ANKRD30A: variants seen among roughly 807,000 people sequenced by gnomAD.
The protein encoded by ANKRD30A is ankyrin repeat domain-containing protein 30A.
A neutral mutation model predicts 166.3 loss-of-function variants in ANKRD30A; 170 were observed. The ratio of observed to expected loss-of-function variants is 1.02; its 90% CI spans 0.90 to 1.16. The LOEUF (loss-of-function observed/expected upper bound fraction) is 1.16, where lower values mean the gene tolerates loss of function less well. ANKRD30A is among the 50% of genes most tolerant of loss of function. The pLI is 0.00. For missense variants in ANKRD30A, 1,630 were observed against 1,518.0 expected, an observed-to-expected ratio of 1.07 and a Z score of -1.23; for synonymous variants, 564 against 508.9, an observed-to-expected ratio of 1.11 and a Z score of -1.46.
At chr10:37,203,933 G>T (rs912293627) in intron 31 of ANKRD30A, among the ~76,000 whole-genome samples, 3 of 152,142 alleles carry the variant, frequency 2.0e-5, no homozygotes, top group African/African-American at 7.2e-5. Flanking sequence ...ACTTACAAGG[G>T]ATGTGAAGGA....
intron 1 of ANKRD30A, among the ~76,000 whole-genome samples, chr10:37,128,972 C>A (rs1394269298): frequency 2.0e-5 from 3 of 152,108 alleles, no homozygotes; most frequent in Admixed American, 2.0e-4. Context: ...TACATACATT[C>A]TGTAAATCTA....
intron 31 of ANKRD30A, among the ~76,000 whole-genome samples, chr10:37,214,325 C>T (rs1436153426): frequency 1.3e-5 from 2 of 151,344 alleles, no homozygotes; most frequent in African/African-American, 4.8e-5. Flanking sequence ...AGGCATTACA[C>T]AGGTAGATCT....
Position 37,231,561 on chromosome 10 carries a change from A to G in ANKRD30A, c.*92A>G. 2.9e-6 allele frequency: 3 copies of G among 1,032,152 alleles called. No homozygotes were observed. Among genetic ancestry groups the G allele is most frequent in the Non-Finnish European group, 4.2e-6 (3 of 719,870 alleles). The allele number at this position is 1,032,152 out of a possible 1,614,324, so 63.9% of individuals were successfully genotyped here. A position where few individuals can be genotyped will look rare whatever the true frequency, so the allele number is the denominator to read the frequency against. ...AGGAGGCCAGTCCTAGCATCACCTT[A>G]TGTTGAAAATCTTACCAATAGTCTG... On this transcript the variant is annotated 3_prime_UTR_variant, in exon 35 of 36. Transcript: ENST00000361713.
the ANKRD30A span, among the ~76,000 whole-genome samples, chr10:37,239,433 A>G: frequency 6.6e-6 from 1 of 152,060 alleles, no homozygotes. Flanking sequence ...TTTTCTCATG[A>G]TATTATGTGA....
chr10:37,243,278 GCGCCTGCCACCA>G, the ANKRD30A span, among the ~76,000 whole-genome samples: 4 of 150,720 alleles, frequency 2.7e-5, no homozygotes, highest in African/African-American at 9.7e-5. Flanking sequence ...GGGACTACAG[GCGCCTGCCACCA>G]CGCCCACCTT....
chr10:37,139,987 AGC>A (rs1201765965), intron 6 of ANKRD30A, among the ~76,000 whole-genome samples: 1 of 152,206 alleles, frequency 6.6e-6, no homozygotes, highest in East Asian at 1.9e-4. Context: ...CCTTCCTGAA[AGC>A]ACAAACAGTC....
chr10:37,129,984 G>T lies in ANKRD30A; in HGVS notation c.313G>T (p.Glu105Ter). The T allele has an allele frequency of 1.9e-6, 3 of 1,573,350 alleles. No individual in the cohort carries two copies. Among genetic ancestry groups the T allele is most frequent in the Middle Eastern group, 3.4e-4 (2 of 5,906 alleles). The change falls in exon 2 of 36, where the codon GAA becomes TAA. Residue 105 changes from glutamate to a stop codon, truncating the protein, a stop_gained. Coordinates refer to ENST00000361713, the MANE Select transcript of ANKRD30A (RefSeq NM_052997.3). LOFTEE classifies it high-confidence loss of function. ...RKCQLDVLDG[E>*]HRTPLMKALQ... ...GTGCCAGCTTGACGTCCTTGATGGC[G>T]AACACAGGACACCTCTGATGAAGGT...
intron 5 of ANKRD30A, among the ~76,000 whole-genome samples, chr10:37,134,536 T>C (rs1233413572): frequency 6.6e-6 from 1 of 152,206 alleles, no homozygotes; most frequent in Admixed American, 6.5e-5. Context: ...CAGGATGCCC[T>C]TACTAACACA....
At chr10:37,154,801 C>T (rs1410331951) in intron 13 of ANKRD30A, among the ~76,000 whole-genome samples, 1 of 152,142 alleles carries the variant, frequency 6.6e-6, no homozygotes, top group African/African-American at 2.4e-5. Context: ...AGTTTTACTG[C>T]AGAATGCTAG....
At chr10:37,134,252 T>C (rs950022315) in intron 5 of ANKRD30A, among the ~76,000 whole-genome samples, 199 bp downstream of exon 5, 10 of 152,194 alleles carry the variant, frequency 6.6e-5, no homozygotes, top group African/African-American at 1.9e-4. Flanking sequence ...CTACTTGATT[T>C]TTCTAATTAG....
chr10:37,179,035 TATATATATA>T (rs1839971564), intron 24 of ANKRD30A, among the ~76,000 whole-genome samples: 1 of 57,294 alleles, frequency 1.7e-5, no homozygotes, highest in African/African-American at 4.6e-5. Flanking sequence ...TATATATATA[TATATATATA>T]TATATATATA....
intron 11 of ANKRD30A, among the ~76,000 whole-genome samples, chr10:37,150,370 T>TATG (rs1837836293): frequency 6.6e-6 from 1 of 151,874 alleles, no homozygotes; most frequent in Non-Finnish European, 1.5e-5. Context: ...GTTTATGTGT[T>TATG]TGGTACCTTT....
the ANKRD30A span, among the ~76,000 whole-genome samples, chr10:37,244,533 T>C: frequency 1.3e-5 from 2 of 152,230 alleles, no homozygotes; most frequent in Non-Finnish European, 2.9e-5. Flanking sequence ...ACTTATTTGT[T>C]CAATACCATT....
rs192941241 is a variant in ANKRD30A, at chr10:37,202,579, T to C, written c.2869+1254T>C. Among the ~76,000 whole-genome samples the C allele has an allele frequency of 4.0e-3, 602 of 152,158 alleles. 2 individuals are homozygous for C. Among genetic ancestry groups the C allele is most frequent in the African/African-American group, 0.014 (568 of 41,522 alleles). ...ACACTAACATCACAATTAAAAGAAC[T>C]AGAGAAGCAAGAGCAAACACATTCA... On this transcript the variant is annotated intron_variant, in intron 31 of 35. Coordinates refer to ENST00000361713, the MANE Select transcript of ANKRD30A (RefSeq NM_052997.3).
At chr10:37,253,814 A>AT in the ANKRD30A span, among the ~76,000 whole-genome samples, 3 of 150,524 alleles carry the variant, frequency 2.0e-5, no homozygotes, top group South Asian at 2.1e-4. Flanking sequence ...TGCCTGGATA[A>AT]TTTTTTTTTG....
intron 8 of ANKRD30A, among the ~76,000 whole-genome samples, chr10:37,146,075 C>T (rs552564777): frequency 6.6e-6 from 1 of 152,372 alleles, no homozygotes; most frequent in African/African-American, 2.4e-5. Context: ...AGTGCCTGAC[C>T]TCTTAGATCC....
chr10:37,227,968 T>G (rs1843237958), intron 34 of ANKRD30A, among the ~76,000 whole-genome samples: 1 of 152,000 alleles, frequency 6.6e-6, no homozygotes, highest in East Asian at 1.9e-4. Context: ...ACCTGGCACC[T>G]GATTCTTGTG....
At chr10:37,126,798 A>G (rs1038291654) in intron 1 of ANKRD30A, among the ~76,000 whole-genome samples, 2 of 152,162 alleles carry the variant, frequency 1.3e-5, no homozygotes, top group Admixed American at 6.5e-5. Flanking sequence ...CTGTGATCCC[A>G]ACACTTTGGG....
At chr10:37,254,873 G>C in the ANKRD30A span, among the ~76,000 whole-genome samples, 2 of 151,658 alleles carry the variant, frequency 1.3e-5, no homozygotes, top group Admixed American at 1.3e-4. Flanking sequence ...TAGTAGAGAC[G>C]GGGCTTCACC....
Sources: gnomAD v4.1 joint callset for allele counts (sites outside exome capture counted in the v4.1 genomes callset) on GRCh38, gnomAD v4.1.1 for gene constraint, MANE v1.5 for transcripts, NCBI Gene and HGNC (gene_info 2026-07-23, HGNC 2026-07-21) for gene names.